The following FOXN3 variants were observed in gnomAD, a reference collection of about 807,000 sequenced individuals.
FOXN3 encodes forkhead box protein N3.
In FOXN3, 7 loss-of-function variants were observed where a neutral mutation model predicts 38.4. The ratio of observed to expected loss-of-function variants is 0.18; its 90% CI spans 0.10 to 0.34. FOXN3 has a LOEUF of 0.34. Among genes scored for constraint, FOXN3 ranks in the 10% least tolerant of loss-of-function variants. The pLI is 1.00. For missense variants in FOXN3, 456 were observed against 613.4 expected (o/e 0.74, Z 2.71); for synonymous variants, 230 against 242.2 (o/e 0.95, Z 0.47).
chr14:89,223,297 T>C (rs1884527901), intron 4 of FOXN3: 1 of 152,274 alleles, frequency 6.6e-6, no homozygotes, highest in African/African-American at 2.4e-5. Context: ...AGTCCCTGGG[T>C]GGGCAGGTGC....
intron 1 of FOXN3, among the ~76,000 whole-genome samples, chr14:89,519,158 C>T (rs542112503): frequency 2.9e-4 from 44 of 152,238 alleles, no homozygotes; most frequent in Admixed American, 2.8e-3. Context: ...GGAGGTCAGA[C>T]GAGTGGGCTA....
intron 2 of FOXN3, among the ~76,000 whole-genome samples, chr14:89,378,183 TTTTGCTA>T (rs1890537694): frequency 6.6e-6 from 1 of 152,228 alleles, no homozygotes; most frequent in Non-Finnish European, 1.5e-5. Context: ...GAAGAACAGC[TTTTGCTA>T]CCTTGTGCAT....
chr14:89,517,392 C>G (rs145050724), intron 1 of FOXN3, among the ~76,000 whole-genome samples: 4 of 149,236 alleles, frequency 2.7e-5, no homozygotes, highest in African/African-American at 9.8e-5. Flanking sequence ...TTAATTGGCT[C>G]ACAGTTCCAC....
chr14:89,432,971 G>A (rs760398686), intron 1 of FOXN3, among the ~76,000 whole-genome samples: 14 of 152,096 alleles, frequency 9.2e-5, no homozygotes, highest in African/African-American at 1.2e-4. Flanking sequence ...GTGAGCCAAC[G>A]AGCACCTGGC....
At chr14:89,533,287 T>G (rs555977708) in intron 1 of FOXN3, among the ~76,000 whole-genome samples, 91 of 152,318 alleles carry the variant, frequency 6.0e-4, no homozygotes, top group Non-Finnish European at 7.3e-4. Context: ...GAATGCCAGC[T>G]GATGACACTC....
At chr14:89,265,703 G>GTA (rs1483118024) in intron 4 of FOXN3, among the ~76,000 whole-genome samples, 1 of 152,204 alleles carries the variant, frequency 6.6e-6, no homozygotes. Flanking sequence ...ACACATGCAA[G>GTA]TATACACAGC....
At chr14:89,213,475 T>C (rs1566930516) in intron 4 of FOXN3, among the ~76,000 whole-genome samples, 1 of 152,292 alleles carries the variant, frequency 6.6e-6, no homozygotes, top group East Asian at 1.9e-4. Flanking sequence ...CTAGTTTCCT[T>C]AGACCCTGCA....
chr14:89,210,452 T>A (rs569370922), intron 4 of FOXN3, among the ~76,000 whole-genome samples: 1 of 152,304 alleles, frequency 6.6e-6, no homozygotes. Flanking sequence ...CTTTATAAAT[T>A]ACCCAGTCTC....
chr14:89,200,697 C>G (rs185611907), intron 4 of FOXN3, among the ~76,000 whole-genome samples: 1 of 152,236 alleles, frequency 6.6e-6, no homozygotes, highest in Non-Finnish European at 1.5e-5. Context: ...GCGAGGTCTG[C>G]GTCACATTGC....
At chr14:89,597,798 G>A (rs1416798962) in intron 1 of FOXN3, among the ~76,000 whole-genome samples, 6 of 151,748 alleles carry the variant, frequency 4.0e-5, no homozygotes, top group African/African-American at 7.3e-5. Flanking sequence ...CTTTTGTATC[G>A]GGCCCTTCTG....
At chr14:89,320,254 G>A (rs993423653) in intron 3 of FOXN3, among the ~76,000 whole-genome samples, 13 of 152,152 alleles carry the variant, frequency 8.5e-5, no homozygotes, top group Non-Finnish European at 1.9e-4. Flanking sequence ...AACACTGAAG[G>A]GCAAAATTCA....
chr14:89,472,266 AAAAG>A (rs1893111223), intron 1 of FOXN3, among the ~76,000 whole-genome samples: 1 of 151,724 alleles, frequency 6.6e-6, no homozygotes, highest in Non-Finnish European at 1.5e-5. Context: ...AAAAAAAAAA[AAAAG>A]AAAGGAAACT....
chr14:89,599,566 GT>G lies in FOXN3; in HGVS notation c.-15+19461del, dbSNP rs369673170. Among the ~76,000 whole-genome samples, 15 of 130,460 alleles carry G rather than the reference GT, an allele frequency of 1.1e-4. No individual in the cohort carries two copies. The South Asian group carries it at 2.4e-3, about 21-fold the overall frequency. The allele number at this position is 130,460 out of a possible 152,430, so 85.6% of individuals were successfully genotyped here. On this transcript the variant is annotated intron_variant, in intron 1 of 6. Transcript: ENST00000345097. ...ATATCCAATTTGTTTATTTTTTATT[GT>G]TTTTTTTAATCATATCTGGTCTTCT...
Position 89,321,164 on chromosome 14 carries a change from A to C in FOXN3, c.680+29508T>G, listed in dbSNP as rs183020753. ...AAATTAGCTGGGCATGGTGGTGTGC[A>C]CCTGTAATCCCACCTACTCGGGAGG... On this transcript the variant is annotated intron_variant, in intron 3 of 5. Transcript: ENST00000557258. 2.0e-5 allele frequency among the ~76,000 whole-genome samples: 3 copies of C among 152,118 alleles called. No individual in the cohort carries two copies. The East Asian group carries it at 5.8e-4, about 30-fold the overall frequency.
rs145812726 is a variant in FOXN3, at chr14:89,594,863, C to A, written c.-15+24165G>T. ...ATCCAGCCTAGGCAACAAAGTGAGACTCTGTGTCAAAAAAAAAAGTACCTT... is the reference window on the plus strand; with the variant it reads ...ATCCAGCCTAGGCAACAAAGTGAGAATCTGTGTCAAAAAAAAAAGTACCTT... On this transcript the variant is annotated intron_variant, in intron 1 of 6. Transcript: ENST00000345097. Among the ~76,000 whole-genome samples, 715 of 151,820 alleles carry A rather than the reference C, an allele frequency of 4.7e-3. 7 individuals carry two copies. Among genetic ancestry groups the A allele is most frequent in the South Asian group, 0.02 (96 of 4,808 alleles).
chr14:89,554,105 G>A (rs940478296), intron 1 of FOXN3, among the ~76,000 whole-genome samples: 24 of 151,994 alleles, frequency 1.6e-4, no homozygotes, highest in African/African-American at 1.7e-4. Context: ...GAGTTCAAGC[G>A]ATTCTCCTGC....
Position 89,328,248 on chromosome 14 carries a change from G to A in FOXN3, c.680+22424C>T, listed in dbSNP as rs141684153. 8.6e-3 allele frequency among the ~76,000 whole-genome samples: 1,317 copies of A among 152,330 alleles called. 15 individuals carry two copies. The highest frequency in any genetic ancestry group is 0.015 in the Non-Finnish European group (1,023 of 68,036). On this transcript the variant is annotated intron_variant, in intron 3 of 5. Transcript: ENST00000557258. Reference sequence around the variant, plus strand: ...ATCCCAAGTAACCCGCACAAAGCATGGCACACAGGAGTTCCAGCAGCCCTA... The same window carrying A: ...ATCCCAAGTAACCCGCACAAAGCATAGCACACAGGAGTTCCAGCAGCCCTA...
intron 1 of FOXN3, among the ~76,000 whole-genome samples, chr14:89,515,510 G>A (rs192435228): frequency 1.2e-3 from 181 of 152,154 alleles, no homozygotes; most frequent in African/African-American, 4.0e-3. Context: ...TGGATCACCC[G>A]AGGTCAGGAG....
intron 3 of FOXN3, among the ~76,000 whole-genome samples, chr14:89,324,979 G>T (rs912711627): frequency 2.0e-5 from 3 of 152,094 alleles, no homozygotes; most frequent in Non-Finnish European, 2.9e-5. Context: ...CTAGGGTGGC[G>T]CTGTCCAACA....
Sources: gnomAD v4.1 joint callset for allele counts (sites outside exome capture counted in the v4.1 genomes callset) on GRCh38, gnomAD v4.1.1 for gene constraint, MANE v1.5 for transcripts, NCBI Gene and HGNC (gene_info 2026-07-23, HGNC 2026-07-21) for gene names.